Variants in NFATC3 observed in about 807,000 individuals in gnomAD.
NFATC3 encodes the protein nuclear factor of activated T-cells, cytoplasmic 3.
In NFATC3, 46 loss-of-function variants were observed where a neutral mutation model predicts 98.6. That is an observed-to-expected ratio of 0.47 (90% CI 0.37 to 0.60). NFATC3 has a LOEUF of 0.60. Among genes scored for constraint, NFATC3 ranks in the 20% least tolerant of loss-of-function variants. The pLI, the probability that NFATC3 is intolerant of heterozygous loss-of-function variation, is 0.00. For synonymous variants in NFATC3, 512 were observed against 472.2 expected (o/e 1.08, Z -1.09); for missense variants, 1,256 against 1,295.5 (o/e 0.97, Z 0.47).
At chr16:68,121,053 C>G (rs889249482) in intron 1 of NFATC3, among the ~76,000 whole-genome samples, 1 of 151,392 alleles carries the variant, frequency 6.6e-6, no homozygotes, top group Non-Finnish European at 1.5e-5. Context: ...GACTTGGGTC[C>G]CATATCAAGA....
chr16:68,160,968 T>A (rs1232175472), intron 4 of NFATC3, among the ~76,000 whole-genome samples: 1 of 151,618 alleles, frequency 6.6e-6, no homozygotes, highest in Non-Finnish European at 1.5e-5. Flanking sequence ...TACATCTAGA[T>A]GTGAGCCACT....
chr16:68,134,315 C>G (rs2037275182), intron 3 of NFATC3, among the ~76,000 whole-genome samples: 1 of 152,134 alleles, frequency 6.6e-6, no homozygotes, highest in Non-Finnish European at 1.5e-5. Context: ...GCATGTACCA[C>G]CACGCTTGGC....
intron 9 of NFATC3, among the ~76,000 whole-genome samples, chr16:68,203,866 C>A (rs1199403615): frequency 6.6e-6 from 1 of 152,082 alleles, no homozygotes; most frequent in Non-Finnish European, 1.5e-5. Flanking sequence ...GCTTAACCAA[C>A]ATGGTGAAAC....
chr16:68,213,272 G>A (rs1220612818), intron 9 of NFATC3, among the ~76,000 whole-genome samples: 3 of 150,740 alleles, frequency 2.0e-5, no homozygotes, highest in Admixed American at 1.3e-4. Flanking sequence ...AAAATTAGCC[G>A]GGCGTGGTGG....
intron 1 of NFATC3, among the ~76,000 whole-genome samples, chr16:68,104,545 A>G (rs951569636): frequency 2.0e-5 from 3 of 151,832 alleles, no homozygotes; most frequent in Admixed American, 6.6e-5. Flanking sequence ...TCCCAGTACA[A>G]TGTTGAATAG....
intron 9 of NFATC3, chr16:68,218,109 G>A (rs1396651993): frequency 1.2e-6 from 1 of 869,276 alleles, no homozygotes; most frequent in Admixed American, 6.1e-5. Context: ...GCCTAGGCTG[G>A]AGTGCAGTGG....
intron 1 of NFATC3, among the ~76,000 whole-genome samples, chr16:68,119,210 G>A (rs1336416695): frequency 6.6e-6 from 1 of 152,104 alleles, no homozygotes; most frequent in East Asian, 1.9e-4. Context: ...AAACCTTGGT[G>A]TCACCCTTGA....
At chr16:68,090,829 C>T (rs1387030516) in intron 1 of NFATC3, among the ~76,000 whole-genome samples, 1 of 152,042 alleles carries the variant, frequency 6.6e-6, no homozygotes, top group African/African-American at 2.4e-5. Context: ...ATTTTCTTAC[C>T]TTAGGCCAAC....
intron 3 of NFATC3, among the ~76,000 whole-genome samples, chr16:68,133,777 T>C (rs540007062): frequency 1.3e-5 from 2 of 152,210 alleles, no homozygotes; most frequent in Non-Finnish European, 2.9e-5. Context: ...TGTGTTATTC[T>C]AGTGTATGAA....
At chr16:68,166,769 A>G (rs1567530092) in intron 4 of NFATC3, 74 bp from the exon 5 acceptor site, 8 of 1,194,392 alleles carry the variant, frequency 6.7e-6, no homozygotes, top group South Asian at 5.8e-5. Context: ...CAAATTAACA[A>G]TTTCTATGTA....
intron 4 of NFATC3, among the ~76,000 whole-genome samples, chr16:68,164,939 A>G (rs1396260952): frequency 6.6e-6 from 1 of 152,170 alleles, no homozygotes; most frequent in African/African-American, 2.4e-5. Flanking sequence ...ATAATTTAAT[A>G]CTTATTTTCA....
chr16:68,196,229 C>G (rs1567544939), intron 9 of NFATC3, among the ~76,000 whole-genome samples: 1 of 152,218 alleles, frequency 6.6e-6, no homozygotes, highest in East Asian at 1.9e-4. Context: ...AAGAGGTTCT[C>G]CTTCCTCAGC....
In NFATC3 at chr16:68,227,017, T is replaced by A. The variant is rs893316672; in HGVS notation, c.*546T>A. 1.3e-5 allele frequency: 2 copies of A among 151,010 alleles called. No homozygotes were observed. Among genetic ancestry groups the A allele is most frequent in the African/African-American group, 4.9e-5 (2 of 40,990 alleles). 9.4% of individuals were successfully genotyped at this position (151,010 alleles called of 1,614,324 possible). ...TCAGCATGTGTCCTGAAGACGTTCA[T>A]AGATTTATAGGAAATAAAGCCAAAT... On this transcript the variant is annotated 3_prime_UTR_variant, in exon 10 of 10. Coordinates refer to ENST00000346183, the MANE Select transcript of NFATC3 (RefSeq NM_173165.3).
At chr16:68,213,449 A>G (rs1180080901) in intron 9 of NFATC3, among the ~76,000 whole-genome samples, 1 of 149,238 alleles carries the variant, frequency 6.7e-6, no homozygotes, top group East Asian at 2.0e-4. Context: ...AAAATTAAAA[A>G]AAATAAAAAT....
chr16:68,142,603 C>A (rs2037812900), intron 3 of NFATC3, among the ~76,000 whole-genome samples: 1 of 151,776 alleles, frequency 6.6e-6, no homozygotes, highest in South Asian at 2.1e-4. Flanking sequence ...ACTAAAAATA[C>A]AAAAATTAGC....
Position 68,178,712 on chromosome 16 carries a change from G to A in NFATC3, c.1916-2763G>A, listed in dbSNP as rs149804118. ...TGAATAAGGAGCAGGAGGAAGAGAC[G>A]GTGTCTCAGAGCTGTCCCTTCCTTT... is the stretch of plus-strand genomic sequence containing the variant. On this transcript the variant is annotated intron_variant, in intron 6 of 9. Coordinates refer to ENST00000346183, the MANE Select transcript of NFATC3 (RefSeq NM_173165.3). 4.5e-4 allele frequency among the ~76,000 whole-genome samples: 68 copies of A among 152,266 alleles called. No individual in the cohort carries two copies. In the East Asian group the frequency reaches 0.012, roughly 26 times the overall value.
chr16:68,179,080 T>C (rs940846700), intron 6 of NFATC3, among the ~76,000 whole-genome samples: 1 of 152,322 alleles, frequency 6.6e-6, no homozygotes, highest in Non-Finnish European at 1.5e-5. Context: ...CATGTCATCT[T>C]GCCTGTGCTC....
Position 68,227,011 on chromosome 16 carries a change from C to T in NFATC3, c.*540C>T, listed in dbSNP as rs1031825107. 6.7e-6 allele frequency: 1 copy of T among 150,206 alleles called. No individual in the cohort carries two copies. Among genetic ancestry groups the T allele is most frequent in the Non-Finnish European group, 1.5e-5 (1 of 67,868 alleles). 9.3% of individuals were successfully genotyped at this position (150,206 alleles called of 1,614,324 possible). Reference sequence around the variant, plus strand: ...AGAAAGTCAGCATGTGTCCTGAAGACGTTCATAGATTTATAGGAAATAAAG... The same window carrying T: ...AGAAAGTCAGCATGTGTCCTGAAGATGTTCATAGATTTATAGGAAATAAAG... On this transcript the variant is annotated 3_prime_UTR_variant, in exon 10 of 10. Coordinates refer to ENST00000346183, the MANE Select transcript of NFATC3 (RefSeq NM_173165.3).
chr16:68,216,833 A>T (rs1002011989), intron 9 of NFATC3, among the ~76,000 whole-genome samples: 1 of 152,170 alleles, frequency 6.6e-6, no homozygotes, highest in African/African-American at 2.4e-5. Context: ...ACACCCGGCC[A>T]AGAAGAGGTT....
Sources: gnomAD v4.1 joint callset for allele counts (sites outside exome capture counted in the v4.1 genomes callset) on GRCh38, gnomAD v4.1.1 for gene constraint, MANE v1.5 for transcripts, NCBI Gene and HGNC (gene_info 2026-07-23, HGNC 2026-07-21) for gene names.